Variants in NOM1 observed in about 807,000 individuals in gnomAD.
NOM1 encodes the protein nucleolar protein with MIF4G domain 1.
A neutral mutation model predicts 73.3 loss-of-function variants in NOM1; 58 were observed. That is an observed-to-expected ratio of 0.79 (90% CI 0.64 to 0.99). NOM1 has a LOEUF of 0.99. Among genes scored for constraint, NOM1 ranks in the 50% least tolerant of loss-of-function variants. NOM1 has a pLI of 0.00. For missense variants in NOM1, 1,226 were observed against 1,131.9 expected, an observed-to-expected ratio of 1.08 and a Z score of -1.19; for synonymous variants, 487 against 446.8, an observed-to-expected ratio of 1.09 and a Z score of -1.14.
At chr7:156,966,811 G>A in intron 8 of NOM1, 150 bp from the exon 9 acceptor site, 1 of 831,218 alleles carries the variant, frequency 1.2e-6, no homozygotes. Flanking sequence ...TGCTCTATAG[G>A]CAAGAACAGT....
chr7:156,962,409 T>G (rs1586572123), intron 5 of NOM1, 148 bp downstream of exon 5: 1 of 658,466 alleles, frequency 1.5e-6, no homozygotes, highest in Non-Finnish European at 2.7e-6. Context: ...CGCGGCTCGG[T>G]TTTCCTCAGG....
intron 9 of NOM1, 69 bp downstream of exon 9, chr7:156,967,161 T>TTTAC: frequency 6.6e-7 from 1 of 1,514,822 alleles, no homozygotes; most frequent in Non-Finnish European, 9.0e-7. Context: ...ACCTGGTAAA[T>TTTAC]CAGGTCCTGT....
chr7:156,956,535 G>T (rs13239215), intron 3 of NOM1, among the ~76,000 whole-genome samples: 1 of 152,148 alleles, frequency 6.6e-6, no homozygotes, highest in Non-Finnish European at 1.5e-5. Context: ...TTTCTTTGTT[G>T]TTGCTAGATA....
At chr7:156,958,345 G>A (rs950465948) in intron 3 of NOM1, among the ~76,000 whole-genome samples, 11 of 152,134 alleles carry the variant, frequency 7.2e-5, no homozygotes, top group East Asian at 3.9e-4. Context: ...TTTTACAGCC[G>A]GTGTCACACA....
At chr7:156,964,465 A>C (rs1238298640) in intron 7 of NOM1, among the ~76,000 whole-genome samples, 1 of 152,112 alleles carries the variant, frequency 6.6e-6, no homozygotes, top group African/African-American at 2.4e-5. Context: ...AATTAGTTGT[A>C]ATAAGATTTT....
At chr7:156,960,268 TGC>T in intron 4 of NOM1, 94 bp downstream of exon 4, 1 of 1,020,780 alleles carries the variant, frequency 9.8e-7, no homozygotes, top group Non-Finnish European at 1.5e-6. Context: ...ATATTACACT[TGC>T]TTTCCTAGTG....
In NOM1 at chr7:156,950,214, G is replaced by A. The variant is rs758323901; in HGVS notation, c.477G>A (p.Lys159=). The A allele has an allele frequency of 1.4e-5, 23 of 1,611,294 alleles. No individual in the cohort carries two copies. The South Asian group carries it at 2.5e-4, about 18-fold the overall frequency. ...VKAKATAATA[K]TRPSAAATAA... ...CCAAGGCCACGGCCGCCACCGCAAA[G>A]ACCAGACCCTCCGCAGCCGCCACCG... The change falls in exon 1 of 11, where the codon AAG becomes AAA. Residue 159 remains lysine, a synonymous_variant. Transcript: ENST00000275820.
At chr7:156,954,871 C>T (rs1199520449) in intron 3 of NOM1, among the ~76,000 whole-genome samples, 5 of 152,228 alleles carry the variant, frequency 3.3e-5, no homozygotes, top group South Asian at 2.1e-4. Flanking sequence ...ACATCTCAGA[C>T]GTGCCTTCAT....
At position 156,968,501 on chromosome 7, in the gene NOM1, T is replaced by C. The variant is rs566981860; in HGVS notation, c.2299-586T>C. Among the ~76,000 whole-genome samples the C allele has an allele frequency of 2.6e-5, 4 of 152,224 alleles. No individual in the cohort carries two copies. In the East Asian group the frequency reaches 7.7e-4, roughly 29 times the overall value. ...CGTTTAGTCCCCTCCTCTAGCTCGC[T>C]GACATTCAGCTAAGATTGCAGTGGG... is the stretch of plus-strand genomic sequence containing the variant. On this transcript the variant is annotated intron_variant, in intron 9 of 10. Transcript: ENST00000275820.
At chr7:156,955,720 A>C (rs1228959942) in intron 3 of NOM1, among the ~76,000 whole-genome samples, 1 of 152,220 alleles carries the variant, frequency 6.6e-6, no homozygotes, top group Non-Finnish European at 1.5e-5. Context: ...GAAATTCCCA[A>C]GATCACGTCT....
intron 9 of NOM1, chr7:156,968,636 A>T (rs2134800692): frequency 7.5e-6 from 1 of 133,666 alleles, no homozygotes; most frequent in East Asian, 2.1e-4. Flanking sequence ...TGATTTTTTG[A>T]TAGTTTTCTA....
rs1435226128 is a variant in NOM1 at position 156,959,972 on chromosome 7, T to G, written c.1430T>G (p.Val477Gly). The change falls in exon 4 of 11, where the codon GTG becomes GGG. Residue 477 changes from valine to glycine, a missense_variant. Transcript: ENST00000275820. Reference sequence around the variant, plus strand: ...ATTGCCCATTTATACAACTTCCACGTGGTACAGTCTCTCCTCATCTTCGAC... The same window carrying G: ...ATTGCCCATTTATACAACTTCCACGGGGTACAGTCTCTCCTCATCTTCGAC... Reference protein sequence around the residue: ...TVIAHLYNFHVVQSLLIFDIL... With the variant: ...TVIAHLYNFHGVQSLLIFDIL... 2.5e-6 allele frequency: 4 copies of G among 1,614,178 alleles called. No individual in the cohort carries two copies. In the South Asian group the frequency reaches 4.4e-5, roughly 18 times the overall value.
Position 156,949,770 on chromosome 7 carries a change from C to T in NOM1, c.33C>T (p.Gly11=), listed in dbSNP as rs755465203. The T allele has an allele frequency of 1.7e-5, 24 of 1,402,618 alleles. No individual in the cohort carries two copies. In the African/African-American group the frequency reaches 3.0e-4, roughly 18 times the overall value. The allele number at this position is 1,402,618 out of a possible 1,614,324, so 86.9% of individuals were successfully genotyped here. Residue 11 remains glycine (G), a synonymous_variant, in exon 1 of 11, where the codon GGC becomes GGT. Transcript: ENST00000275820. ...CGTCCAGGAGCGCGGGAGAGGCCGGCCCGGGCGGCTCCCAGGGACGCGTGG... is the reference window on the plus strand; with the variant it reads ...CGTCCAGGAGCGCGGGAGAGGCCGGTCCGGGCGGCTCCCAGGGACGCGTGG... The part of the protein sequence containing the change: MAASRSAGEA[G]PGGSQGRVVR...
chr7:156,967,490 G>A (rs1328566484), intron 9 of NOM1, among the ~76,000 whole-genome samples: 2 of 152,158 alleles, frequency 1.3e-5, no homozygotes. Context: ...CTCCTGCCCT[G>A]CTGTGTTTTG....
At chr7:156,968,021 C>T (rs1395500675) in intron 9 of NOM1, among the ~76,000 whole-genome samples, 3 of 152,206 alleles carry the variant, frequency 2.0e-5, no homozygotes, top group African/African-American at 7.2e-5. Flanking sequence ...CCACAGCTTC[C>T]CGTGTGTTTC....
rs745883420 is a variant in NOM1, at chr7:156,967,012, C to G, written c.2218C>G (p.Pro740Ala). 3.1e-6 allele frequency: 5 copies of G among 1,613,726 alleles called. No individual in the cohort carries two copies. Among genetic ancestry groups the G allele is most frequent in the Admixed American group, 1.7e-5 (1 of 59,926 alleles). ...CAAATTTCGGGACTTGGAAAACTTG[C>G]CAGCTACGAATTTCTCTAATTTGGT... ...WDKFRDLENL[P>A]ATNFSNLVHL... Residue 740 changes from proline to alanine, a missense_variant, in exon 9 of 11, where the codon CCA becomes GCA. Transcript: ENST00000275820.
intron 3 of NOM1, among the ~76,000 whole-genome samples, chr7:156,956,758 G>C (rs570560957): frequency 6.6e-6 from 1 of 152,310 alleles, no homozygotes; most frequent in Admixed American, 6.5e-5. Flanking sequence ...TTATTTCTAA[G>C]AGCTGTCCTC....
chr7:156,950,402 C>G lies in NOM1; in HGVS notation c.665C>G (p.Ala222Gly). Reference sequence around the variant, plus strand: ...GACGGTCTTGACTATATTCTGGGAGCCCTGGAGTCTGGGAAAAATAGCGGC... The same window carrying G: ...GACGGTCTTGACTATATTCTGGGAGGCCTGGAGTCTGGGAAAAATAGCGGC... ...ARDGLDYILG[A>G]LESGKNSGLY... Residue 222 changes from alanine to glycine, a missense_variant, in exon 1 of 11, where the codon GCC (alanine) becomes GGC (glycine). Coordinates refer to ENST00000275820, the MANE Select transcript of NOM1 (RefSeq NM_138400.2). 6.2e-7 allele frequency: 1 copy of G among 1,614,172 alleles called. No individual in the cohort carries two copies. The highest frequency in any genetic ancestry group is 2.2e-5 in the East Asian group (1 of 44,890).
chr7:156,962,086 A>G, intron 4 of NOM1, 65 bp from the exon 5 acceptor site: 1 of 1,379,638 alleles, frequency 7.2e-7, no homozygotes, highest in South Asian at 1.2e-5. Flanking sequence ...ATTTCTTGCC[A>G]ACTTGAATGG....
Sources: gnomAD v4.1 joint callset for allele counts (sites outside exome capture counted in the v4.1 genomes callset) on GRCh38, gnomAD v4.1.1 for gene constraint, MANE v1.5 for transcripts, NCBI Gene and HGNC (gene_info 2026-07-23, HGNC 2026-07-21) for gene names.